Variants in MERTK observed in about 807,000 individuals in gnomAD.
MERTK encodes MER proto-oncogene, tyrosine kinase.
Under a neutral mutation model 99.3 loss-of-function variants are expected in MERTK, and 69 were observed. The observed-to-expected ratio is 0.70, with a 90% CI of 0.57 to 0.85. MERTK has a LOEUF of 0.85. Among genes scored for constraint, MERTK ranks in the 40% least tolerant of loss-of-function variants. The pLI is 0.00. For synonymous variants in MERTK, 426 were observed against 467.6 expected, an observed-to-expected ratio of 0.91 and a Z score of 1.15; for missense variants, 1,125 against 1,249.4, an observed-to-expected ratio of 0.90 and a Z score of 1.50.
At chr2:111,908,408 G>A (rs1056822011) in intron 1 of MERTK, among the ~76,000 whole-genome samples, 2 of 152,086 alleles carry the variant, frequency 1.3e-5, no homozygotes, top group Non-Finnish European at 2.9e-5. Context: ...ACTACTTGAC[G>A]TAAGAAGTCA....
chr2:111,951,522 C>CATATATATATGTATATATATAT (rs1342486760), intron 4 of MERTK, among the ~76,000 whole-genome samples: 2 of 85,870 alleles, frequency 2.3e-5, no homozygotes, highest in African/African-American at 7.8e-5. Flanking sequence ...ATAATATTCC[C>CATATATATATGTATATATATAT]ATATATATAT....
chr2:111,921,969 G>A (rs542344725), intron 1 of MERTK, among the ~76,000 whole-genome samples: 1 of 152,280 alleles, frequency 6.6e-6, no homozygotes, highest in East Asian at 1.9e-4. Flanking sequence ...GAAAGAGCAG[G>A]AGTAATGGGT....
At chr2:111,919,413 G>C (rs1684413431) in intron 1 of MERTK, among the ~76,000 whole-genome samples, 1 of 152,084 alleles carries the variant, frequency 6.6e-6, no homozygotes, top group Admixed American at 6.5e-5. Context: ...TCAAGCCCTG[G>C]GTGGGACATG....
At chr2:111,991,919 T>A (rs1391290689) in intron 8 of MERTK, among the ~76,000 whole-genome samples, 1 of 152,150 alleles carries the variant, frequency 6.6e-6, no homozygotes, top group Admixed American at 6.6e-5. Context: ...GCTTTAACGG[T>A]GAAAGACGGT....
intron 2 of MERTK, among the ~76,000 whole-genome samples, chr2:111,939,538 G>C (rs1388076943): frequency 6.6e-6 from 1 of 151,800 alleles, no homozygotes; most frequent in Non-Finnish European, 1.5e-5. Context: ...CTGCAGTGCA[G>C]TGTGCGATCA....
chr2:112,020,361 G>C (rs1677313772), intron 16 of MERTK, among the ~76,000 whole-genome samples: 1 of 152,156 alleles, frequency 6.6e-6, no homozygotes, highest in African/African-American at 2.4e-5. Context: ...AGGGTGACCA[G>C]CTTTGCAGTT....
At chr2:111,901,474 C>G (rs935363327) in intron 1 of MERTK, among the ~76,000 whole-genome samples, 2 of 151,730 alleles carry the variant, frequency 1.3e-5, no homozygotes, top group African/African-American at 4.8e-5. Flanking sequence ...GAAAGTACAT[C>G]GTGCATATTT....
intron 13 of MERTK, among the ~76,000 whole-genome samples, chr2:112,007,185 C>T (rs1168265564): frequency 6.6e-6 from 1 of 152,150 alleles, no homozygotes; most frequent in Non-Finnish European, 1.5e-5. Flanking sequence ...GACGGAGTCT[C>T]GCTCTGTTGC....
chr2:111,975,285 T>G lies in MERTK; in HGVS notation c.961-4T>G. On this transcript the variant is annotated splice_polypyrimidine_tract_variant and splice_region_variant and intron_variant, in intron 6 of 18. Coordinates refer to ENST00000295408, the MANE Select transcript of MERTK (RefSeq NM_006343.3). ...CCCGGTCCTCATGTTTACTCTTCGT[T>G]TAGGTCAAGGAAGCTGATCCGCTGA... is the stretch of plus-strand genomic sequence containing the variant. 1 of 1,614,160 alleles carries G rather than the reference T, an allele frequency of 6.2e-7. No individual in the cohort carries two copies. Among genetic ancestry groups the G allele is most frequent in the Non-Finnish European group, 8.5e-7 (1 of 1,179,998 alleles).
At chr2:111,948,859 A>G (rs1685006426) in intron 4 of MERTK, among the ~76,000 whole-genome samples, 1 of 151,818 alleles carries the variant, frequency 6.6e-6, no homozygotes, top group Non-Finnish European at 1.5e-5. Flanking sequence ...ACCCTGCAGT[A>G]TCTCCCTTCT....
At chr2:111,923,075 CTT>C (rs2104679489) in intron 1 of MERTK, among the ~76,000 whole-genome samples, 1 of 152,344 alleles carries the variant, frequency 6.6e-6, no homozygotes, top group South Asian at 2.1e-4. Context: ...GACCACCTCT[CTT>C]CCCTGCTCAC....
At chr2:111,968,335 A>G in intron 6 of MERTK, 83 bp downstream of exon 6, 14 of 1,097,128 alleles carry the variant, frequency 1.3e-5, no homozygotes, top group South Asian at 1.0e-4. Context: ...AAGGATGGGC[A>G]TGGAGGGCAT....
Position 112,003,902 on chromosome 2 carries a change from A to C in MERTK, c.1787-2A>C. On this transcript the variant is annotated splice_acceptor_variant, in intron 12 of 18. Coordinates refer to ENST00000295408, the MANE Select transcript of MERTK (RefSeq NM_006343.3). LOFTEE classifies it high-confidence loss of function. ...CCATACAGGTGTTCTTTCACTTCAC[A>C]GGAGAGTTTGGGTCTGTAATGGAAG... The C allele has an allele frequency of 6.2e-7, 1 of 1,612,140 alleles. No individual in the cohort carries two copies. Among genetic ancestry groups the C allele is most frequent in the Non-Finnish European group, 8.5e-7 (1 of 1,178,254 alleles).
At chr2:112,008,938 T>C (rs1677040992) in intron 14 of MERTK, 1 of 248,326 alleles carries the variant, frequency 4.0e-6, no homozygotes, top group Non-Finnish European at 8.0e-6. Flanking sequence ...GATGATTTCA[T>C]GGAATATGAT....
intron 1 of MERTK, among the ~76,000 whole-genome samples, chr2:111,915,264 T>C (rs1450116476): frequency 6.6e-6 from 1 of 152,212 alleles, no homozygotes; most frequent in Non-Finnish European, 1.5e-5. Context: ...CAATTTGTCT[T>C]CTCATTTTTT....
chr2:111,993,871 T>C (rs1676681089), intron 8 of MERTK, among the ~76,000 whole-genome samples: 1 of 152,102 alleles, frequency 6.6e-6, no homozygotes, highest in Non-Finnish European at 1.5e-5. Context: ...AGGTGGACAA[T>C]GTCAAGGGAT....
chr2:111,908,385 C>T (rs1248419360), intron 1 of MERTK, among the ~76,000 whole-genome samples: 1 of 152,108 alleles, frequency 6.6e-6, no homozygotes, highest in African/African-American at 2.4e-5. Flanking sequence ...TAATAAAACT[C>T]GCCTGTGTAC....
intron 4 of MERTK, among the ~76,000 whole-genome samples, chr2:111,957,807 C>T (rs1001220168): frequency 1.3e-5 from 2 of 152,058 alleles, no homozygotes; most frequent in African/African-American, 2.4e-5. Flanking sequence ...TTGTTGCTTC[C>T]TTTGGTAGAA....
chr2:111,967,965 A>G (rs1685390184), intron 5 of MERTK, among the ~76,000 whole-genome samples, 172 bp from the exon 6 acceptor site: 1 of 152,158 alleles, frequency 6.6e-6, no homozygotes, highest in Non-Finnish European at 1.5e-5. Context: ...GCCCATCCAT[A>G]GGCTAACACA....
Sources: gnomAD v4.1 joint callset for allele counts (sites outside exome capture counted in the v4.1 genomes callset) on GRCh38, gnomAD v4.1.1 for gene constraint, MANE v1.5 for transcripts, NCBI Gene and HGNC (gene_info 2026-07-23, HGNC 2026-07-21) for gene names.